The following ROBO1 variants were observed in gnomAD, a reference collection of about 807,000 sequenced individuals.
The protein encoded by ROBO1 is roundabout homolog 1.
ROBO1 carries 149 observed loss-of-function variants against 195.9 expected under a neutral mutation model. That is an observed-to-expected ratio of 0.76 (90% confidence interval 0.67 to 0.87). ROBO1 has a LOEUF of 0.87. ROBO1 is among the 40% of genes least tolerant of loss of function. The probability of loss-of-function intolerance (pLI) is 0.00; values close to 1 mark genes in which losing one functional copy is unlikely to be tolerated. For synonymous variants in ROBO1, 816 were observed against 733.2 expected (o/e 1.11, Z -1.82); for missense variants, 1,933 against 2,068.3 (o/e 0.93, Z 1.27).
At chr3:79,560,003 A>C (rs1250976093) in intron 2 of ROBO1, among the ~76,000 whole-genome samples, 1 of 152,146 alleles carries the variant, frequency 6.6e-6, no homozygotes, top group Admixed American at 6.6e-5. Flanking sequence ...ACCCTCAGAT[A>C]AGAATATACT....
chr3:78,795,492 T>A (rs755090609), intron 4 of ROBO1, among the ~76,000 whole-genome samples: 10 of 152,234 alleles, frequency 6.6e-5, no homozygotes, highest in Non-Finnish European at 1.2e-4. Context: ...CCATCTTTAT[T>A]GAGATCTCAA....
intron 4 of ROBO1, among the ~76,000 whole-genome samples, chr3:78,765,413 C>G (rs1321953975): frequency 6.6e-6 from 1 of 150,690 alleles, no homozygotes; most frequent in Middle Eastern, 3.2e-3. Flanking sequence ...TATAAACTTG[C>G]CTTCAATAAA....
chr3:79,390,019 C>T (rs1387411149), intron 2 of ROBO1, among the ~76,000 whole-genome samples: 1 of 151,998 alleles, frequency 6.6e-6, no homozygotes, highest in Admixed American at 6.6e-5. Flanking sequence ...AAGAGGTGAA[C>T]TAATCTGGAA....
At chr3:79,674,152 C>G (rs1560089559) in intron 1 of ROBO1, among the ~76,000 whole-genome samples, 1 of 151,972 alleles carries the variant, frequency 6.6e-6, no homozygotes, top group African/African-American at 2.4e-5. Flanking sequence ...TACTATTATA[C>G]TATGATATTC....
intron 2 of ROBO1, among the ~76,000 whole-genome samples, chr3:79,175,101 T>A (rs979272444): frequency 7.2e-5 from 11 of 152,188 alleles, no homozygotes; most frequent in Non-Finnish European, 1.5e-4. Context: ...AAATGTTTTT[T>A]CAGGTAATAG....
At chr3:79,385,381 G>A (rs141910008) in intron 2 of ROBO1, among the ~76,000 whole-genome samples, 18 of 152,120 alleles carry the variant, frequency 1.2e-4, no homozygotes, top group African/African-American at 3.9e-4. Flanking sequence ...TGACCATGGC[G>A]CCTGGAGCTG....
chr3:79,351,177 A>T (rs967517121), intron 2 of ROBO1, among the ~76,000 whole-genome samples: 2 of 152,170 alleles, frequency 1.3e-5, no homozygotes, highest in Non-Finnish European at 2.9e-5. Flanking sequence ...GCATATAAAA[A>T]ATTATGACTA....
chr3:79,274,214 T>C (rs976248868), intron 2 of ROBO1, among the ~76,000 whole-genome samples: 2 of 151,972 alleles, frequency 1.3e-5, no homozygotes, highest in South Asian at 2.1e-4. Context: ...AGAATACACA[T>C]TGATCACCTC....
rs184777870 is a variant in ROBO1, at chr3:79,669,317, T to C, written c.-50-79356A>G. 5.0e-4 allele frequency among the ~76,000 whole-genome samples: 76 copies of C among 151,988 alleles called. 1 individual carries two copies. The highest frequency in any genetic ancestry group is 8.8e-5 in the Non-Finnish European group (6 of 67,914). ...CGTGATTGTGAGGGCTCCCCAGCCA[T>C]GTGGAACTGTAAGTAAATTAAACCT... On this transcript the variant is annotated intron_variant, in intron 1 of 30. Transcript: ENST00000464233.
At chr3:78,653,755 G>A (rs114242854) in intron 18 of ROBO1, among the ~76,000 whole-genome samples, 166 of 152,284 alleles carry the variant, frequency 1.1e-3, no homozygotes, top group African/African-American at 3.6e-3. Flanking sequence ...TAAGCTGGAC[G>A]CAGGTCAGAT....
intron 4 of ROBO1, among the ~76,000 whole-genome samples, chr3:78,875,644 CT>C (rs754697742): frequency 4.6e-5 from 7 of 151,972 alleles, no homozygotes. Context: ...ATGTTGCCAA[CT>C]GAAAACTATC....
At chr3:79,528,601 C>G (rs1941528968) in intron 2 of ROBO1, among the ~76,000 whole-genome samples, 2 of 152,114 alleles carry the variant, frequency 1.3e-5, no homozygotes, top group Non-Finnish European at 2.9e-5. Flanking sequence ...TTAGTGCTTA[C>G]TAGTGTCTGT....
chr3:79,282,648 C>T (rs527673767), intron 2 of ROBO1, among the ~76,000 whole-genome samples: 14 of 152,070 alleles, frequency 9.2e-5, no homozygotes, highest in Non-Finnish European at 1.5e-4. Context: ...GATGTTTTAC[C>T]GTTAGCTGAG....
At chr3:79,693,416 T>A in intron 1 of ROBO1, among the ~76,000 whole-genome samples, 1 of 150,692 alleles carries the variant, frequency 6.6e-6, no homozygotes, top group Non-Finnish European at 1.5e-5. Context: ...TGTGTGTGTG[T>A]GTGTGTCCTT....
intron 2 of ROBO1, among the ~76,000 whole-genome samples, chr3:79,387,986 G>A (rs2036817294): frequency 6.6e-6 from 1 of 152,100 alleles, no homozygotes; most frequent in South Asian, 2.1e-4. Flanking sequence ...TAGGCACTGT[G>A]TGATATGGAC....
intron 2 of ROBO1, among the ~76,000 whole-genome samples, chr3:79,355,477 T>C (rs1214386580): frequency 6.6e-6 from 1 of 152,166 alleles, no homozygotes; most frequent in Admixed American, 6.5e-5. Flanking sequence ...ATTCTACTTA[T>C]CTTACTAGGC....
At chr3:78,927,461 G>A (rs1207488630) in intron 4 of ROBO1, among the ~76,000 whole-genome samples, 1 of 152,154 alleles carries the variant, frequency 6.6e-6, no homozygotes, top group Non-Finnish European at 1.5e-5. Flanking sequence ...TGTTTTTGCA[G>A]TTCATATAAT....
At chr3:78,725,638 T>C (rs562461170) in intron 5 of ROBO1, among the ~76,000 whole-genome samples, 3 of 152,288 alleles carry the variant, frequency 2.0e-5, no homozygotes, top group African/African-American at 7.2e-5. Flanking sequence ...CTGGTTAGCA[T>C]GGAAAAACTA....
chr3:79,403,676 GAA>G (rs1440297596), intron 2 of ROBO1, among the ~76,000 whole-genome samples: 3 of 151,870 alleles, frequency 2.0e-5, no homozygotes, highest in Non-Finnish European at 4.4e-5. Context: ...AAGTCAGTTG[GAA>G]AATAGTGATT....
Sources: gnomAD v4.1 joint callset for allele counts (sites outside exome capture counted in the v4.1 genomes callset) on GRCh38, gnomAD v4.1.1 for gene constraint, MANE v1.5 for transcripts, NCBI Gene and HGNC (gene_info 2026-07-23, HGNC 2026-07-21) for gene names.